WBP1L: variants seen among roughly 807,000 people sequenced by gnomAD.
The protein encoded by WBP1L is WW domain binding protein 1 like, also known as WW domain binding protein 1-like.
A neutral mutation model predicts 33.7 loss-of-function variants in WBP1L; 17 were observed. That is an observed-to-expected ratio of 0.50 (90% CI 0.34 to 0.76). WBP1L has a LOEUF of 0.76. WBP1L is among the 30% of genes least tolerant of loss of function. WBP1L has a pLI of 0.01. For synonymous variants in WBP1L, 173 were observed against 190.8 expected, an observed-to-expected ratio of 0.91 and a Z score of 0.77; for missense variants, 389 against 469.4, an observed-to-expected ratio of 0.83 and a Z score of 1.58.
At chr10:102,765,454 G>A (rs1843094548) in intron 1 of WBP1L, among the ~76,000 whole-genome samples, 1 of 151,990 alleles carries the variant, frequency 6.6e-6, no homozygotes, top group Non-Finnish European at 1.5e-5. Flanking sequence ...GACTGGTCTC[G>A]AACTCCTGGG....
chr10:102,777,305 AG>A (rs1843278237), intron 1 of WBP1L, among the ~76,000 whole-genome samples: 1 of 152,128 alleles, frequency 6.6e-6, no homozygotes, highest in African/African-American at 2.4e-5. Context: ...GGTGAGGAAA[AG>A]CCACAGATGA....
Position 102,815,077 on chromosome 10 carries a change from A to G in WBP1L, c.*1746A>G, listed in dbSNP as rs1218768169. On this transcript the variant is annotated 3_prime_UTR_variant, in exon 4 of 4. Transcript: ENST00000448841. ...CCTGTTTTCCTGTGAAGATACTTTG[A>G]GTGGCAGCCATTCTCTCCACGTGAA... The G allele has an allele frequency of 1.3e-5, 2 of 152,506 alleles. No homozygotes were observed. Among genetic ancestry groups the G allele is most frequent in the East Asian group, 3.9e-4 (2 of 5,180 alleles). The allele number at this position is 152,506 out of a possible 1,614,324, so 9.4% of individuals were successfully genotyped here. A position where few individuals can be genotyped will look rare whatever the true frequency, so the allele number is the denominator to read the frequency against.
At chr10:102,746,869 C>A (rs1205386201) in intron 1 of WBP1L, among the ~76,000 whole-genome samples, 1 of 152,038 alleles carries the variant, frequency 6.6e-6, no homozygotes, top group African/African-American at 2.4e-5. Context: ...TTTTTACATA[C>A]ACATTTACCA....
At chr10:102,756,631 G>A (rs1428419526) in intron 1 of WBP1L, among the ~76,000 whole-genome samples, 2 of 152,050 alleles carry the variant, frequency 1.3e-5, no homozygotes, top group African/African-American at 4.8e-5. Context: ...GAACATTGTT[G>A]TACTTATTTC....
In WBP1L at chr10:102,813,046, T is replaced by C. The variant is rs1843870041; in HGVS notation, c.807T>C (p.Gly269=). Residue 269 remains glycine (G), a synonymous_variant, in exon 4 of 4, where the codon GGT becomes GGC. Coordinates refer to ENST00000448841, the MANE Select transcript of WBP1L (RefSeq NM_001083913.2). ...CTGGGAGACATCGCCGCTTCACAGG[T>C]GACTCGGGCATTGAAGTGTGTGTGT... ...KTPGRHRRFT[G]DSGIEVCVCN... 6.2e-7 allele frequency: 1 copy of C among 1,613,638 alleles called. No individual in the cohort carries two copies. The highest frequency in any genetic ancestry group is 8.5e-7 in the Non-Finnish European group (1 of 1,180,002).
At chr10:102,779,435 C>A (rs1843308534) in intron 1 of WBP1L, among the ~76,000 whole-genome samples, 1 of 152,010 alleles carries the variant, frequency 6.6e-6, no homozygotes, top group Middle Eastern at 3.4e-3. Flanking sequence ...GTAGCTGGGA[C>A]TACAGGCATG....
At chr10:102,810,349 AACTTCCTC>A in intron 3 of WBP1L, among the ~76,000 whole-genome samples, 2 of 149,710 alleles carry the variant, frequency 1.3e-5, no homozygotes, top group African/African-American at 4.9e-5. Flanking sequence ...CTACCTACCT[AACTTCCTC>A]CCTTCCTCCC....
Position 102,765,509 on chromosome 10 carries a change from C to T in WBP1L, c.90+21366C>T, listed in dbSNP as rs545494158. On this transcript the variant is annotated intron_variant, in intron 1 of 3. Coordinates refer to ENST00000448841, the MANE Select transcript of WBP1L (RefSeq NM_001083913.2). ...TTGGCCTCCCAAAGTGCTGGCATTACAGGCATGTGCCACCACACCCAGCCA... is the reference window on the plus strand; with the variant it reads ...TTGGCCTCCCAAAGTGCTGGCATTATAGGCATGTGCCACCACACCCAGCCA... Among the ~76,000 whole-genome samples the T allele has an allele frequency of 5.3e-5, 8 of 152,312 alleles. No individual in the cohort carries two copies. In the East Asian group the frequency reaches 1.5e-3, roughly 29 times the overall value.
chr10:102,769,266 G>T (rs1843155004), intron 1 of WBP1L, among the ~76,000 whole-genome samples: 1 of 152,038 alleles, frequency 6.6e-6, no homozygotes, highest in Admixed American at 6.6e-5. Flanking sequence ...GAACCACTGT[G>T]TTCAGCTCTT....
At chr10:102,762,595 T>C (rs2134032795) in intron 1 of WBP1L, among the ~76,000 whole-genome samples, 1 of 152,338 alleles carries the variant, frequency 6.6e-6, no homozygotes, top group East Asian at 1.9e-4. Flanking sequence ...TTCATTTTCT[T>C]TGACACACAC....
In WBP1L at chr10:102,812,797, C is replaced by A; in HGVS notation, c.558C>A (p.Ser186Arg). 1 of 1,604,716 alleles carries A rather than the reference C, an allele frequency of 6.2e-7. No homozygotes were observed. The highest frequency in any genetic ancestry group is 8.5e-7 in the Non-Finnish European group (1 of 1,175,908). ...GAQSSPLSEP[S>R]RSSTRPPSIA... ...AGAGCAGCCCCTTGTCTGAGCCCAG[C>A]AGAAGCAGCACAAGACCCCCAAGCA... Residue 186 changes from serine (S) to arginine (R), a missense_variant, in exon 4 of 4, where the codon AGC becomes AGA. Coordinates refer to ENST00000448841, the MANE Select transcript of WBP1L (RefSeq NM_001083913.2).
At chr10:102,762,505 A>T (rs1294141262) in intron 1 of WBP1L, among the ~76,000 whole-genome samples, 2 of 152,206 alleles carry the variant, frequency 1.3e-5, no homozygotes. Flanking sequence ...TTCCAATCCC[A>T]GCATTCTCAG....
Position 102,744,152 on chromosome 10 carries a change from G to A in WBP1L, c.90+9G>A, listed in dbSNP as rs772904618. ...GGGCTGAACCCCCGCAGGTAAGGGG[G>A]AGGGGGCGTCTGGGCCATGTTGGGT... On this transcript the variant is annotated intron_variant, in intron 1 of 3. Coordinates refer to ENST00000448841, the MANE Select transcript of WBP1L (RefSeq NM_001083913.2). The A allele has an allele frequency of 1.6e-4, 254 of 1,546,910 alleles. No homozygotes were observed. The highest frequency in any genetic ancestry group is 2.0e-4 in the Non-Finnish European group (233 of 1,144,568).
chr10:102,762,039 G>A (rs931950388), intron 1 of WBP1L, among the ~76,000 whole-genome samples: 15 of 152,012 alleles, frequency 9.9e-5, no homozygotes, highest in African/African-American at 3.6e-4. Flanking sequence ...TTTTTATAGA[G>A]GCGGAGTCTC....
In WBP1L at chr10:102,754,433, C is replaced by T. The variant is rs566087068; in HGVS notation, c.90+10290C>T. ...TTTTTTTTGGAGATGAAGTCTTGCT[C>T]TGTTGCCCAAGCTGGAGTGCAGCGG... On this transcript the variant is annotated intron_variant, in intron 1 of 3. Coordinates refer to ENST00000448841, the MANE Select transcript of WBP1L (RefSeq NM_001083913.2). Among the ~76,000 whole-genome samples, 142 of 152,314 alleles carry T rather than the reference C, an allele frequency of 9.3e-4. 1 individual carries two copies. Among genetic ancestry groups the T allele is most frequent in the African/African-American group, 3.2e-3 (134 of 41,574 alleles).
At chr10:102,777,753 C>T (rs993599654) in intron 1 of WBP1L, among the ~76,000 whole-genome samples, 6 of 151,842 alleles carry the variant, frequency 4.0e-5, no homozygotes, top group African/African-American at 1.5e-4. Context: ...TTAGTAGAGA[C>T]GGGGTTTCGC....
intron 2 of WBP1L, among the ~76,000 whole-genome samples, chr10:102,801,807 A>T (rs1263544376): frequency 6.6e-6 from 1 of 151,642 alleles, no homozygotes; most frequent in Non-Finnish European, 1.5e-5. Context: ...AGTGCTGCCC[A>T]ACTCGTTTTT....
intron 1 of WBP1L, among the ~76,000 whole-genome samples, 153 bp from the exon 2 acceptor site, chr10:102,797,840 C>T (rs781685563): frequency 4.6e-5 from 7 of 152,116 alleles, no homozygotes; most frequent in African/African-American, 7.2e-5. Flanking sequence ...TGTGAGCCAC[C>T]GCGCCTGGCC....
At chr10:102,766,228 G>A (rs1001697214) in intron 1 of WBP1L, among the ~76,000 whole-genome samples, 10 of 151,910 alleles carry the variant, frequency 6.6e-5, no homozygotes, top group African/African-American at 9.7e-5. Flanking sequence ...GATCACCTCA[G>A]GTCGGGAGTT....
Sources: allele counts gnomAD v4.1 joint callset (sites outside exome capture counted in the v4.1 genomes callset), GRCh38; gene constraint gnomAD v4.1.1; transcripts MANE v1.5; gene names NCBI Gene and HGNC (gene_info 2026-07-23, HGNC 2026-07-21).